The following SLC35D4 variants were observed in gnomAD, a reference collection of about 807,000 sequenced individuals.
SLC35D4 encodes solute carrier family 35 member D4, also known as UDP-N-acetylglucosamine transporter SLC35D4.
chr18:23,305,302 C>G, the SLC35D4 span, among the ~76,000 whole-genome samples: 1 of 152,192 alleles, frequency 6.6e-6, no homozygotes. Flanking sequence ...GGACAAGGAA[C>G]ATTTAAGCCA....
chr18:23,324,588 C>G, the SLC35D4 span, among the ~76,000 whole-genome samples: 755 of 152,244 alleles, frequency 5.0e-3, 4 homozygotes, highest in Non-Finnish European at 7.6e-3. Flanking sequence ...CTCGCAACAC[C>G]CCACGCTGGG....
chr18:23,356,364 C>T, the SLC35D4 span, among the ~76,000 whole-genome samples: 2 of 152,158 alleles, frequency 1.3e-5, no homozygotes, highest in South Asian at 2.1e-4. The surrounding 1 kb of genome is among the most constrained non-coding windows in gnomAD (Gnocchi z 4.1). Flanking sequence ...ACTGTCTTGG[C>T]GGAGGGACTT....
At chr18:23,325,055 C>T in the SLC35D4 span, among the ~76,000 whole-genome samples, 2 of 152,046 alleles carry the variant, frequency 1.3e-5, no homozygotes, top group Non-Finnish European at 2.9e-5. Flanking sequence ...CTCCGAGCCC[C>T]GTGTGTGTCT....
chr18:23,363,513 T>C, the SLC35D4 span, among the ~76,000 whole-genome samples: 1 of 151,292 alleles, frequency 6.6e-6, no homozygotes, highest in Admixed American at 6.6e-5. Context: ...TAGCTGGGAC[T>C]ACAGGCGCCC....
chr18:23,251,041 T>G, the SLC35D4 span, among the ~76,000 whole-genome samples: 1 of 152,240 alleles, frequency 6.6e-6, no homozygotes, highest in Non-Finnish European at 1.5e-5. Context: ...AGCCACCAAC[T>G]TCCATTAGAG....
chr18:23,416,826 C>G, the SLC35D4 span, among the ~76,000 whole-genome samples: 1 of 152,232 alleles, frequency 6.6e-6, no homozygotes, highest in Non-Finnish European at 1.5e-5. Context: ...AGCACACTGT[C>G]AAGTCCAAGG....
At chr18:23,255,704 C>A in the SLC35D4 span, among the ~76,000 whole-genome samples, 2 of 151,944 alleles carry the variant, frequency 1.3e-5, no homozygotes, top group African/African-American at 4.8e-5. Flanking sequence ...GAACTACAGG[C>A]ATGTACCACT....
the SLC35D4 span, chr18:23,437,805 G>A: frequency 3.7e-5 from 60 of 1,612,024 alleles, no homozygotes; most frequent in Non-Finnish European, 3.6e-5. Context: ...AAGAAGCCAG[G>A]TAGCAGGTAC....
the SLC35D4 span, chr18:23,298,186 G>A: frequency 1.8e-6 from 2 of 1,110,586 alleles, no homozygotes; most frequent in South Asian, 1.3e-5. Context: ...CTCATCACCA[G>A]CCCGAACTGC....
chr18:23,363,364 A>ATTT, the SLC35D4 span, among the ~76,000 whole-genome samples: 240 of 90,462 alleles, frequency 2.7e-3, 37 homozygotes, highest in African/African-American at 8.6e-3. Flanking sequence ...ACAAAAGCAC[A>ATTT]TTTTTTTTTT....
chr18:23,264,353 CTTTTTTTTTTTT>C, the SLC35D4 span, among the ~76,000 whole-genome samples: 1 of 56,066 alleles, frequency 1.8e-5, no homozygotes, highest in Admixed American at 3.1e-4. Flanking sequence ...CACTTTATTC[CTTTTTTTTTTTT>C]TTTTTTTTTT....
chr18:23,288,269 C>T, the SLC35D4 span, among the ~76,000 whole-genome samples: 5 of 152,330 alleles, frequency 3.3e-5, no homozygotes, highest in East Asian at 5.8e-4. Flanking sequence ...CAGGCCTAAT[C>T]GCCACACACC....
the SLC35D4 span, among the ~76,000 whole-genome samples, chr18:23,342,929 T>C: frequency 3.3e-5 from 4 of 120,586 alleles, no homozygotes; most frequent in Non-Finnish European, 8.0e-5. Flanking sequence ...CAACATTATC[T>C]TTTTTTTTTT....
the SLC35D4 span, among the ~76,000 whole-genome samples, chr18:23,409,347 C>T: frequency 6.6e-6 from 1 of 152,134 alleles, no homozygotes; most frequent in Non-Finnish European, 1.5e-5. Flanking sequence ...TATTTACAAC[C>T]TGCTTCACTT....
the SLC35D4 span, among the ~76,000 whole-genome samples, chr18:23,435,111 T>A: frequency 6.6e-6 from 1 of 150,680 alleles, no homozygotes; most frequent in Non-Finnish European, 1.5e-5. Context: ...TGAGCCGAGA[T>A]CACACCACTG....
At chr18:23,248,508 A>G in the SLC35D4 span, among the ~76,000 whole-genome samples, 7 of 96,856 alleles carry the variant, frequency 7.2e-5, no homozygotes, top group South Asian at 3.0e-4. Context: ...GCAAGACCCT[A>G]TGTCTTTTTT....
At chr18:23,352,090 T>A in the SLC35D4 span, 5 of 918,930 alleles carry the variant, frequency 5.4e-6, no homozygotes, top group African/African-American at 8.6e-5. Context: ...GGACAGCGCC[T>A]AGAAGTGGTC....
chr18:23,353,922 C>T, the SLC35D4 span, among the ~76,000 whole-genome samples: 2 of 152,146 alleles, frequency 1.3e-5, no homozygotes, highest in South Asian at 4.1e-4. Flanking sequence ...GCTTTTAGAA[C>T]AGTAAGATTA....
At chr18:23,430,937 C>T in the SLC35D4 span, among the ~76,000 whole-genome samples, 2 of 151,920 alleles carry the variant, frequency 1.3e-5, no homozygotes, top group African/African-American at 4.8e-5. Flanking sequence ...AGGCAGATCA[C>T]AAGGTGAGGA....
Sources: allele counts gnomAD v4.1 joint callset (sites outside exome capture counted in the v4.1 genomes callset), GRCh38; gene constraint gnomAD v4.1.1; non-coding constraint Gnocchi (gnomAD v3.1); transcripts MANE v1.5; gene names NCBI Gene and HGNC (gene_info 2026-07-23, HGNC 2026-07-21).